HIRA: variants seen among roughly 807,000 people sequenced by gnomAD.
HIRA encodes the protein protein HIRA.
In HIRA, 13 loss-of-function variants were observed where a neutral mutation model predicts 126.6. The ratio of observed to expected loss-of-function variants is 0.10; its 90% CI spans 0.07 to 0.16. The LOEUF (loss-of-function observed/expected upper bound fraction) is 0.16. Among genes scored for constraint, HIRA ranks in the 10% least tolerant of loss-of-function variants. The probability of loss-of-function intolerance (pLI) is 1.00; values close to 1 mark genes in which losing one functional copy is unlikely to be tolerated. For missense variants in HIRA, 834 were observed against 1,314.4 expected (o/e 0.63, Z 5.65); for synonymous variants, 511 against 520.0 (o/e 0.98, Z 0.24).
intron 15 of HIRA, among the ~76,000 whole-genome samples, chr22:19,370,737 G>C (rs1393979079): frequency 6.6e-6 from 1 of 152,192 alleles, no homozygotes; most frequent in Non-Finnish European, 1.5e-5. Context: ...GCTCCTAGAA[G>C]CTCACTATAC....
At chr22:19,386,588 A>G (rs2089129522) in intron 11 of HIRA, among the ~76,000 whole-genome samples, 1 of 152,178 alleles carries the variant, frequency 6.6e-6, no homozygotes, top group African/African-American at 2.4e-5. Flanking sequence ...TTTTCTTGCC[A>G]TCTTGGCTCC....
intron 11 of HIRA, 41 bp downstream of exon 11, chr22:19,387,670 T>C (rs984358709): frequency 6.6e-7 from 1 of 1,508,538 alleles, no homozygotes; most frequent in African/African-American, 1.4e-5. Context: ...ATTGTGGCAA[T>C]GGCCACAGAG....
At position 19,367,332 on chromosome 22, in the gene HIRA, A is replaced by G. The variant is rs920163619; in HGVS notation, c.1776-5401T>C. On this transcript the variant is annotated intron_variant, in intron 15 of 24. Transcript: ENST00000263208. ...AGTCCCGTATATAAAATGATTTAGT[A>G]TTTGCATATAATGTAGGCACAGCTT... Among the ~76,000 whole-genome samples, 11 of 151,166 alleles carry G rather than the reference A, an allele frequency of 7.3e-5. No homozygotes were observed. In the Admixed American group the frequency reaches 7.3e-4, roughly 10 times the overall value.
At chr22:19,334,008 T>C (rs1556005262) in intron 24 of HIRA, among the ~76,000 whole-genome samples, 1 of 151,932 alleles carries the variant, frequency 6.6e-6, no homozygotes, top group Non-Finnish European at 1.5e-5. Context: ...GGAGCCTCGA[T>C]CTGTCGCCCA....
chr22:19,392,173 C>A lies in HIRA; in HGVS notation c.864G>T (p.Gly288=). ...PKIFKKKQKN[G]SSAKPSCPYC... Reference sequence around the variant, plus strand: ...ACGGGCAGCTAGGCTTCGCAGAACTCCCATTCTTCTGCTTCTTTTTGAAGA... The same window carrying A: ...ACGGGCAGCTAGGCTTCGCAGAACTACCATTCTTCTGCTTCTTTTTGAAGA... The change falls in exon 9 of 25, where the codon GGG becomes GGT. Residue 288 remains glycine, a synonymous_variant. Transcript: ENST00000263208. 1 of 1,609,014 alleles carries A rather than the reference C, an allele frequency of 6.2e-7. No individual in the cohort carries two copies. The highest frequency in any genetic ancestry group is 8.5e-7 in the Non-Finnish European group (1 of 1,175,894).
At chr22:19,383,977 C>T (rs1006865208) in intron 12 of HIRA, among the ~76,000 whole-genome samples, 1 of 152,094 alleles carries the variant, frequency 6.6e-6, no homozygotes, top group Non-Finnish European at 1.5e-5. Context: ...ATTCACCATT[C>T]TATTCTCTGT....
intron 24 of HIRA, among the ~76,000 whole-genome samples, chr22:19,337,632 T>C (rs2146167235): frequency 6.6e-6 from 1 of 152,262 alleles, no homozygotes; most frequent in South Asian, 2.1e-4. Flanking sequence ...GCTAGAGATC[T>C]AGACATCCAA....
At chr22:19,363,557 T>C (rs541858426) in intron 15 of HIRA, among the ~76,000 whole-genome samples, 6 of 151,930 alleles carry the variant, frequency 3.9e-5, no homozygotes, top group African/African-American at 1.2e-4. Flanking sequence ...TTTCCAGGGG[T>C]TGGGGAAAGG....
At chr22:19,362,956 G>A (rs1174979092) in intron 15 of HIRA, among the ~76,000 whole-genome samples, 12 of 151,528 alleles carry the variant, frequency 7.9e-5, no homozygotes, top group South Asian at 2.1e-4. Context: ...GAATAAGGCC[G>A]GGCACGGTGG....
intron 15 of HIRA, among the ~76,000 whole-genome samples, chr22:19,372,787 G>A (rs2088979369): frequency 6.6e-6 from 1 of 152,032 alleles, no homozygotes; most frequent in African/African-American, 2.4e-5. Flanking sequence ...GGCCAGGCTG[G>A]TCTTGAACTC....
chr22:19,372,615 A>C (rs1260055148), intron 15 of HIRA, among the ~76,000 whole-genome samples: 1 of 142,006 alleles, frequency 7.0e-6, no homozygotes, highest in African/African-American at 2.6e-5. Context: ...TCTTTTGCCC[A>C]GGCTGGAGTG....
intron 24 of HIRA, among the ~76,000 whole-genome samples, chr22:19,337,166 T>C (rs989695545): frequency 6.6e-6 from 1 of 151,912 alleles, no homozygotes; most frequent in Non-Finnish European, 1.5e-5. Flanking sequence ...GCGTGATCTC[T>C]GAATTGCCAA....
Position 19,431,456 on chromosome 22 carries a change from G to C in HIRA, c.21C>G (p.Thr7=), listed in dbSNP as rs574089166. 6.2e-7 allele frequency: 1 copy of C among 1,608,090 alleles called. No homozygotes were observed. Among genetic ancestry groups the C allele is most frequent in the South Asian group, 1.1e-5 (1 of 91,052 alleles). The stretch of plus-strand genomic sequence containing the variant: ...CGCACTCACCATTGTGGTTGACCCA[G>C]GTCGGCTTCAGGAGCTTCATTGTTC... MKLLKP[T]WVNHNGKPIF... Residue 7 remains threonine, a synonymous_variant, in exon 1 of 25, where the codon ACC becomes ACG. Coordinates refer to ENST00000263208, the MANE Select transcript of HIRA (RefSeq NM_003325.4).
intron 24 of HIRA, among the ~76,000 whole-genome samples, chr22:19,337,120 AG>A (rs1174004738): frequency 1.2e-3 from 178 of 151,940 alleles, no homozygotes; most frequent in African/African-American, 4.2e-3. Flanking sequence ...TTTTTGAGAC[AG>A]GGTCTCGCTC....
chr22:19,387,845 T>C lies in HIRA; in HGVS notation c.1008-29A>G, dbSNP rs953425396. The C allele has an allele frequency of 1.4e-5, 22 of 1,537,526 alleles. No homozygotes were observed. The South Asian group carries it at 1.7e-4, about 12-fold the overall frequency. On this transcript the variant is annotated intron_variant, in intron 10 of 24. Transcript: ENST00000263208. ...AAAGACATGGCCATCAGCAGCCTGG[T>C]AGCAAGAGCCCCAGGCAGACACATG...
intron 1 of HIRA, among the ~76,000 whole-genome samples, chr22:19,430,842 G>C (rs889379082): frequency 3.9e-4 from 60 of 152,206 alleles, no homozygotes; most frequent in Admixed American, 3.1e-3. Flanking sequence ...CCCTCTGCTA[G>C]AACACACCTG....
intron 3 of HIRA, among the ~76,000 whole-genome samples, chr22:19,407,659 A>C (rs2146241721): frequency 6.6e-6 from 1 of 152,358 alleles, no homozygotes; most frequent in Non-Finnish European, 1.5e-5. Flanking sequence ...CGTGCTAAAA[A>C]GGGTCAGATG....
chr22:19,381,069 T>A (rs1449306050), intron 13 of HIRA, among the ~76,000 whole-genome samples: 1 of 152,224 alleles, frequency 6.6e-6, no homozygotes, highest in Non-Finnish European at 1.5e-5. Context: ...TTCTAGTTAT[T>A]TCTTTGAGTT....
At chr22:19,363,754 C>T (rs2088886772) in intron 15 of HIRA, among the ~76,000 whole-genome samples, 1 of 151,978 alleles carries the variant, frequency 6.6e-6, no homozygotes, top group African/African-American at 2.4e-5. Flanking sequence ...AAAAATTAGC[C>T]ACGTGTGGTG....
Sources: allele counts gnomAD v4.1 joint callset (sites outside exome capture counted in the v4.1 genomes callset), GRCh38; gene constraint gnomAD v4.1.1; transcripts MANE v1.5; gene names NCBI Gene and HGNC (gene_info 2026-07-23, HGNC 2026-07-21).